The following COL20A1 variants were observed in gnomAD, a reference collection of about 807,000 sequenced individuals.
The protein encoded by COL20A1 is collagen alpha-1(XX) chain.
COL20A1 carries 164 observed loss-of-function variants against 152.9 expected under a neutral mutation model. The ratio of observed to expected loss-of-function variants is 1.07; its 90% CI spans 0.94 to 1.22. COL20A1 has a LOEUF of 1.22. Among genes scored for constraint, COL20A1 ranks in the 50% most tolerant of loss-of-function variants. The pLI, the probability that COL20A1 is intolerant of heterozygous loss-of-function variation, is 0.00. For missense variants in COL20A1, 1,873 were observed against 1,744.8 expected, an observed-to-expected ratio of 1.07 and a Z score of -1.31; for synonymous variants, 864 against 756.0, an observed-to-expected ratio of 1.14 and a Z score of -2.34.
chr20:63,325,628 CCCTGGCCCCTG>C lies in COL20A1; in HGVS notation c.3349-32_3349-22del, dbSNP rs749858302. The C allele has an allele frequency of 8.8e-6, 14 of 1,590,864 alleles. No homozygotes were observed. The African/African-American group carries it at 1.7e-4, about 20-fold the overall frequency. ...CAGGCAGGGCCACCTCTGGATGTGA[CCCTGGCCCCTG>C]CCTGGCCGGCCCCTCTGTTCTCTCC... On this transcript the variant is annotated intron_variant, in intron 28 of 35. Transcript: ENST00000358894.
At position 63,311,491 on chromosome 20, in the gene COL20A1, G is replaced by A; in HGVS notation, c.1491G>A (p.Leu497=). 4.4e-6 allele frequency: 7 copies of A among 1,581,200 alleles called. No homozygotes were observed. Among genetic ancestry groups the A allele is most frequent in the Non-Finnish European group, 6.0e-6 (7 of 1,164,132 alleles). Residue 497 remains leucine (L), a synonymous_variant, in exon 12 of 36, where the codon CTG becomes CTA. Coordinates refer to ENST00000358894, the MANE Select transcript of COL20A1 (RefSeq NM_020882.4). This position sits in a 1 kb window ranked among gnomAD's most constrained non-coding sequence, Gnocchi z 4.4. Reference sequence around the variant, plus strand: ...CCTCGGCCGGGGCCACCCACTACCTGGTGCGATGTTCTCCTGCTTCCCCCA... The same window carrying A: ...CCTCGGCCGGGGCCACCCACTACCTAGTGCGATGTTCTCCTGCTTCCCCCA... ...WQPSAGATHY[L]VRCSPASPKG...
rs1408840267 is a variant in COL20A1, at chr20:63,314,057, C to T, written c.2359-15C>T. On this transcript the variant is annotated splice_polypyrimidine_tract_variant and intron_variant, in intron 18 of 35. Transcript: ENST00000358894. ...TGCCCAGGAAGTGGGGACCAGGCAC[C>T]CTCCCTTCTCCTAGGTCTCTGTGCC... 1.2e-6 allele frequency: 2 copies of T among 1,612,594 alleles called. No individual in the cohort carries two copies. The highest frequency in any genetic ancestry group is 2.2e-5 in the South Asian group (2 of 91,060).
chr20:63,311,912 G>A lies in COL20A1; in HGVS notation c.1664-4G>A. ...TGGCCTTGAGGCTCTGCTGTGCTTT[G>A]CAGCCACCCTGGCCCCCCCGAGACA... On this transcript the variant is annotated splice_region_variant and splice_polypyrimidine_tract_variant and intron_variant, in intron 13 of 35. Coordinates refer to ENST00000358894, the MANE Select transcript of COL20A1 (RefSeq NM_020882.4). The surrounding 1 kb of genome is among the most constrained non-coding windows in gnomAD (Gnocchi z 4.4). 1 of 1,542,072 alleles carries A rather than the reference G, an allele frequency of 6.5e-7. No individual in the cohort carries two copies. Among genetic ancestry groups the A allele is most frequent in the Non-Finnish European group, 8.7e-7 (1 of 1,147,002 alleles).
chr20:63,328,164 C>G, intron 33 of COL20A1, 37 bp downstream of exon 33: 1 of 1,609,922 alleles, frequency 6.2e-7, no homozygotes. Flanking sequence ...GGCCAGCAGC[C>G]CTGCACCTGT....
intron 20 of COL20A1, 38 bp from the exon 21 acceptor site, chr20:63,316,515 G>A (rs766646121): frequency 2.1e-5 from 33 of 1,560,462 alleles, no homozygotes; most frequent in Non-Finnish European, 2.6e-5. Flanking sequence ...CCATCTCTGA[G>A]GGTCCCTCGG....
chr20:63,298,167 A>T (rs6090349), intron 3 of COL20A1, 147 bp downstream of exon 3: 40,574 of 599,590 alleles, frequency 0.068, 1,630 homozygotes, highest in Middle Eastern at 0.084. Flanking sequence ...GTCTCTGCTG[A>T]CCCACATTCC....
intron 23 of COL20A1, 25 bp from the exon 24 acceptor site, chr20:63,320,014 G>A: frequency 6.5e-7 from 1 of 1,549,316 alleles, no homozygotes; most frequent in Non-Finnish European, 8.7e-7. Context: ...CTGGGCTGTG[G>A]AGAACCTCCC....
intron 19 of COL20A1, among the ~76,000 whole-genome samples, chr20:63,314,939 C>T (rs965050591): frequency 6.7e-6 from 1 of 150,058 alleles, no homozygotes; most frequent in East Asian, 2.0e-4. Context: ...CCAGCCTCTC[C>T]TCACACCAGG....
chr20:63,323,768 G>A (rs1460410890), intron 27 of COL20A1, among the ~76,000 whole-genome samples: 1 of 152,210 alleles, frequency 6.6e-6, no homozygotes, highest in East Asian at 1.9e-4. Flanking sequence ...ATTTCTTTAA[G>A]ATGTCGATGC....
intron 3 of COL20A1, among the ~76,000 whole-genome samples, chr20:63,303,070 A>G (rs761186154): frequency 1.3e-5 from 2 of 152,190 alleles, no homozygotes; most frequent in Non-Finnish European, 2.9e-5. Context: ...TGGTGATTCT[A>G]TATTCTTTTA....
In COL20A1 at chr20:63,319,889, C is replaced by A; in HGVS notation, c.2917-150C>A. 2.6e-6 allele frequency: 2 copies of A among 771,286 alleles called. No individual in the cohort carries two copies. Among genetic ancestry groups the A allele is most frequent in the Non-Finnish European group, 4.1e-6 (2 of 492,938 alleles). The allele number at this position is 771,286 out of a possible 1,614,324, so 47.8% of individuals were successfully genotyped here. A position where few individuals can be genotyped will look rare whatever the true frequency, so the allele number is the denominator to read the frequency against. ...CGAGGCCCAGCAAGGGGGGGTTCTC[C>A]CAGGGTCCCCCGAAACCTGAGGTGA... On this transcript the variant is annotated intron_variant, in intron 23 of 35. Transcript: ENST00000358894. This position sits in a 1 kb window ranked among gnomAD's most constrained non-coding sequence, Gnocchi z 4.4.
chr20:63,311,916 C>T lies in COL20A1; in HGVS notation c.1664C>T (p.Pro555Leu), dbSNP rs1191339173. 1 of 1,543,646 alleles carries T rather than the reference C, an allele frequency of 6.5e-7. No homozygotes were observed. The highest frequency in any genetic ancestry group is 2.4e-5 in the East Asian group (1 of 42,046). The change falls in exon 14 of 36, where the codon CCC (proline) becomes CTC (leucine). Residue 555 changes from proline (P) to leucine (L), a missense_variant and splice_region_variant. Pro to Leu is a moderately conservative substitution (Grantham distance 98). Coordinates refer to ENST00000358894, the MANE Select transcript of COL20A1 (RefSeq NM_020882.4). The surrounding 1 kb of genome is among the most constrained non-coding windows in gnomAD (Gnocchi z 4.4). ...SEARGIRARTPTLAPPRHLGF... is the reference protein window; with the variant it reads ...SEARGIRARTLTLAPPRHLGF... ...CTTGAGGCTCTGCTGTGCTTTGCAGCCACCCTGGCCCCCCCGAGACACCTG... is the reference window on the plus strand; with the variant it reads ...CTTGAGGCTCTGCTGTGCTTTGCAGTCACCCTGGCCCCCCCGAGACACCTG...
At chr20:63,296,739 C>T (rs1430434181) in intron 2 of COL20A1, among the ~76,000 whole-genome samples, 1 of 152,196 alleles carries the variant, frequency 6.6e-6, no homozygotes, top group African/African-American at 2.4e-5. Context: ...TTCAGAGCCC[C>T]CTCCTCATCC....
chr20:63,326,010 G>A (rs2068241417), intron 29 of COL20A1, 86 bp from the exon 30 acceptor site: 1 of 1,224,246 alleles, frequency 8.2e-7, no homozygotes, highest in Non-Finnish European at 1.2e-6. Flanking sequence ...TACAGGGTGT[G>A]TTGGGTGCTG....
Position 63,319,543 on chromosome 20 carries a change from G to A in COL20A1, c.2863G>A (p.Ala955Thr), listed in dbSNP as rs1428842185. The A allele has an allele frequency of 1.3e-6, 2 of 1,598,642 alleles. No homozygotes were observed. Among genetic ancestry groups the A allele is most frequent in the Admixed American group, 1.7e-5 (1 of 58,368 alleles). Residue 955 changes from alanine to threonine, a missense_variant, in exon 23 of 36, where the codon GCC becomes ACC. Coordinates refer to ENST00000358894, the MANE Select transcript of COL20A1 (RefSeq NM_020882.4). This position sits in a 1 kb window ranked among gnomAD's most constrained non-coding sequence, Gnocchi z 4.4. The stretch of plus-strand genomic sequence containing the variant: ...TGACCCCAGGGCTGCCTTGCAGGAG[G>A]CCACCTTCGACCCGCAGGAAGTGAG... ...HRDPRAALQE[A>T]TFDPQEVRKI...
At position 63,313,264 on chromosome 20, in the gene COL20A1, A is replaced by C; in HGVS notation, c.2209+15A>C. The C allele has an allele frequency of 1.9e-6, 3 of 1,600,610 alleles. No homozygotes were observed. The highest frequency in any genetic ancestry group is 2.6e-6 in the Non-Finnish European group (3 of 1,171,922). The stretch of plus-strand genomic sequence containing the variant: ...CTATACCCCCTGTAGGTGCCCCTCC[A>C]CTTCCCCTCTGCTGGGTGTGGGGCA... On this transcript the variant is annotated intron_variant, in intron 17 of 35. Coordinates refer to ENST00000358894, the MANE Select transcript of COL20A1 (RefSeq NM_020882.4). This position sits in a 1 kb window ranked among gnomAD's most constrained non-coding sequence, Gnocchi z 5.9.
Position 63,315,517 on chromosome 20 carries a change from C to G in COL20A1, c.2524+78C>G. 5.3e-6 allele frequency: 7 copies of G among 1,317,334 alleles called. No individual in the cohort carries two copies. The South Asian group carries it at 8.3e-5, about 16-fold the overall frequency. 81.6% of individuals were successfully genotyped at this position (1,317,334 alleles called of 1,614,324 possible). On this transcript the variant is annotated intron_variant, in intron 20 of 35. Transcript: ENST00000358894. Reference sequence around the variant, plus strand: ...TCCTGGGCGTGGGGGCCAAGGGTGTCGTGACCTGGGACCCAGTGGTGGTGC... The same window carrying G: ...TCCTGGGCGTGGGGGCCAAGGGTGTGGTGACCTGGGACCCAGTGGTGGTGC...
At chr20:63,310,683 T>A (rs956990845) in intron 11 of COL20A1, among the ~76,000 whole-genome samples, 173 bp downstream of exon 11, 9 of 152,282 alleles carry the variant, frequency 5.9e-5, no homozygotes, top group African/African-American at 2.2e-4. Flanking sequence ...TGGGCCCCTC[T>A]GACCCTGGGT....
Position 63,329,564 on chromosome 20 carries a change from A to G in COL20A1, c.3782-21A>G, listed in dbSNP as rs374615300. The G allele has an allele frequency of 5.5e-5, 88 of 1,603,550 alleles. No individual in the cohort carries two copies. In the Middle Eastern group the frequency reaches 8.3e-4, roughly 15 times the overall value. ...AGCCACTGCATTGCTCCGTCCTCAC[A>G]TGCCCTCCCTTTCCTCGCAGGGGAG... On this transcript the variant is annotated intron_variant, in intron 34 of 35. Coordinates refer to ENST00000358894, the MANE Select transcript of COL20A1 (RefSeq NM_020882.4).
Sources: allele counts gnomAD v4.1 joint callset (sites outside exome capture counted in the v4.1 genomes callset), GRCh38; gene constraint gnomAD v4.1.1; non-coding constraint Gnocchi (gnomAD v3.1); transcripts MANE v1.5; gene names NCBI Gene and HGNC (gene_info 2026-07-23, HGNC 2026-07-21).